The following ACOT12 variants were observed in gnomAD, a reference collection of about 807,000 sequenced individuals.
ACOT12 encodes the protein acetyl-coenzyme A thioesterase.
In ACOT12, 51 loss-of-function variants were observed where a neutral mutation model predicts 67.7. The observed-to-expected ratio is 0.75, with a 90% CI of 0.60 to 0.95. The LOEUF (loss-of-function observed/expected upper bound fraction) is 0.95, where lower values mean the gene tolerates loss of function less well. Ranked by LOEUF, ACOT12 falls within the 40% of genes least tolerant of loss-of-function variation. The pLI is 0.00. For synonymous variants in ACOT12, 251 were observed against 244.6 expected (o/e 1.03, Z -0.24); for missense variants, 734 against 708.1 (o/e 1.04, Z -0.41).
At chr5:81,322,607 G>A in the ACOT12 span, among the ~76,000 whole-genome samples, 1 of 152,188 alleles carries the variant, frequency 6.6e-6, no homozygotes, top group Non-Finnish European at 1.5e-5. Flanking sequence ...TAGACCAAAA[G>A]GAGGTGAGGG....
the ACOT12 span, among the ~76,000 whole-genome samples, chr5:81,322,246 T>C: frequency 1.3e-5 from 2 of 152,042 alleles, no homozygotes; most frequent in African/African-American, 4.8e-5. Flanking sequence ...TGCAGAACCA[T>C]AAAATAAGGA....
chr5:81,372,326 G>A (rs1014410542), intron 2 of ACOT12, among the ~76,000 whole-genome samples: 9 of 152,130 alleles, frequency 5.9e-5, no homozygotes, highest in Non-Finnish European at 7.4e-5. Context: ...ACCTGAAGTT[G>A]TTCCAAAACT....
At position 81,354,328 on chromosome 5, in the gene ACOT12, G is replaced by A. The variant is rs140578853; in HGVS notation, c.496+5575C>T. 2.8e-3 allele frequency among the ~76,000 whole-genome samples: 426 copies of A among 152,320 alleles called. 2 individuals are homozygous for A. The highest frequency in any genetic ancestry group is 9.9e-3 in the African/African-American group (410 of 41,564). ...GTTTTATCTCTATATTTGAATGACT[G>A]TCATGTGTGCCTGTCACTAATTTAG... is the stretch of plus-strand genomic sequence containing the variant. On this transcript the variant is annotated intron_variant, in intron 5 of 14. Transcript: ENST00000307624.
chr5:81,313,229 T>C, the ACOT12 span: 1 of 152,230 alleles, frequency 6.6e-6, no homozygotes, highest in East Asian at 1.9e-4. Flanking sequence ...AACAATCCCA[T>C]TGGAAACAAG....
At chr5:81,331,033 T>A in intron 13 of ACOT12, 93 bp from the exon 14 acceptor site, 2 of 1,376,448 alleles carry the variant, frequency 1.5e-6, no homozygotes, top group Non-Finnish European at 1.9e-6. Flanking sequence ...CTTATACAGG[T>A]AGAAGTGAAA....
chr5:81,348,664 A>G (rs1233537511), intron 5 of ACOT12, among the ~76,000 whole-genome samples: 1 of 152,142 alleles, frequency 6.6e-6, no homozygotes, highest in Non-Finnish European at 1.5e-5. Context: ...TCCCAGGTTC[A>G]AGCAATTCTC....
chr5:81,336,714 T>C (rs549971534), intron 11 of ACOT12, among the ~76,000 whole-genome samples: 164 of 152,304 alleles, frequency 1.1e-3, no homozygotes, highest in African/African-American at 3.7e-3. Flanking sequence ...GAAGTTAGTG[T>C]TGAAATTTGC....
At chr5:81,339,178 CA>C (rs1759109019) in intron 11 of ACOT12, among the ~76,000 whole-genome samples, 2 of 152,174 alleles carry the variant, frequency 1.3e-5, no homozygotes, top group African/African-American at 4.8e-5. Context: ...GTAAAGAGGG[CA>C]AAAGTGGTTT....
the ACOT12 span, among the ~76,000 whole-genome samples, chr5:81,310,163 A>AAAAAAAAAAAAAAAAAAAAAAT: frequency 6.6e-6 from 1 of 150,634 alleles, no homozygotes; most frequent in African/African-American, 2.5e-5. Context: ...GCTGTAAAAA[A>AAAAAAAAAAAAAAAAAAAAAAT]AAAAAAAAAA....
chr5:81,335,649 T>G lies in ACOT12; in HGVS notation c.1262+119A>C, dbSNP rs1580530350. On this transcript the variant is annotated intron_variant, in intron 12 of 14. Transcript: ENST00000307624. ...AAAGTGCTATGCTGGGTCAAACTTCTAAAAATACTCTTTAAACAATGGGTC... is the reference window on the plus strand; with the variant it reads ...AAAGTGCTATGCTGGGTCAAACTTCGAAAAATACTCTTTAAACAATGGGTC... 7 of 1,301,508 alleles carry G rather than the reference T, an allele frequency of 5.4e-6. No individual in the cohort carries two copies. In the East Asian group the frequency reaches 1.6e-4, roughly 30 times the overall value. The allele number at this position is 1,301,508 out of a possible 1,614,324, so 80.6% of individuals were successfully genotyped here.
Position 81,339,784 on chromosome 5 carries a change from T to C in ACOT12, c.1128+2888A>G, listed in dbSNP as rs1000061332. Among the ~76,000 whole-genome samples, 4 of 152,214 alleles carry C rather than the reference T, an allele frequency of 2.6e-5. No homozygotes were observed. In the East Asian group the frequency reaches 7.7e-4, roughly 29 times the overall value. On this transcript the variant is annotated intron_variant, in intron 11 of 14. Transcript: ENST00000307624. ...ACTACTACAATTAATTCTATCATTA[T>C]ACATGAAACATGAAACGAATTAAAA...
the ACOT12 span, among the ~76,000 whole-genome samples, chr5:81,314,409 GT>G: frequency 6.6e-6 from 1 of 151,988 alleles, no homozygotes; most frequent in African/African-American, 2.4e-5. Context: ...GGCCTACTTT[GT>G]TTATATTTTA....
At chr5:81,331,878 A>G (rs979875461) in intron 13 of ACOT12, among the ~76,000 whole-genome samples, 35 of 152,336 alleles carry the variant, frequency 2.3e-4, no homozygotes, top group African/African-American at 8.4e-4. Flanking sequence ...ATGATGGTAC[A>G]ATACTTTGTA....
At chr5:81,338,846 C>T (rs1759095531) in intron 11 of ACOT12, among the ~76,000 whole-genome samples, 1 of 152,096 alleles carries the variant, frequency 6.6e-6, no homozygotes, top group South Asian at 2.1e-4. Context: ...CTTTGGGAGG[C>T]CGAGGTGGGC....
chr5:81,347,818 G>A lies in ACOT12; in HGVS notation c.609C>T (p.Gly203=), dbSNP rs138946612. The change falls in exon 6 of 15, where the codon GGC becomes GGT. Residue 203 remains glycine (G), a synonymous_variant. Transcript: ENST00000307624. ...HANHHGNTFG[G]QIMAWMETVA... ...CTGTCTCCATCCACGCCATAATCTG[G>A]CCACCAAATGTATTTCCGTGATGGT... 70 of 1,614,170 alleles carry A rather than the reference G, an allele frequency of 4.3e-5. No homozygotes were observed. In the African/African-American group the frequency reaches 8.4e-4, roughly 19 times the overall value.
the ACOT12 span, among the ~76,000 whole-genome samples, chr5:81,317,046 T>G: frequency 6.6e-6 from 1 of 152,204 alleles, no homozygotes; most frequent in Non-Finnish European, 1.5e-5. Flanking sequence ...CACAAAAATT[T>G]TAAATTTTGA....
At position 81,347,774 on chromosome 5, in the gene ACOT12, C is replaced by G. The variant is rs1759425029; in HGVS notation, c.653G>C (p.Ser218Thr). 1 of 1,613,544 alleles carries G rather than the reference C, an allele frequency of 6.2e-7. No homozygotes were observed. Among genetic ancestry groups the G allele is most frequent in the African/African-American group, 1.3e-5 (1 of 74,916 alleles). The change falls in exon 6 of 15, where the codon AGC becomes ACC. Residue 218 changes from serine (S) to threonine (T), a missense_variant and splice_region_variant. Coordinates refer to ENST00000307624, the MANE Select transcript of ACOT12 (RefSeq NM_130767.3). ...TAGGCCGAAGGTCAAAACCAAGAAC[C>G]TTGCAGAAATAGTAGCCACTGTCTC... ...WMETVATISA[S>T]RLCWAHPFLK...
chr5:81,390,152 G>C (rs1447258933), intron 1 of ACOT12, among the ~76,000 whole-genome samples: 1 of 150,658 alleles, frequency 6.6e-6, no homozygotes, highest in Non-Finnish European at 1.5e-5. Context: ...GGTAGAGACA[G>C]GATCTCTCTA....
intron 8 of ACOT12, 102 bp from the exon 9 acceptor site, chr5:81,344,317 C>CT: frequency 1.7e-6 from 2 of 1,154,994 alleles, no homozygotes; most frequent in South Asian, 3.2e-5. Flanking sequence ...GTCAAAAGGG[C>CT]TAACTGAGAT....
Sources: gnomAD v4.1 joint callset for allele counts (sites outside exome capture counted in the v4.1 genomes callset) on GRCh38, gnomAD v4.1.1 for gene constraint, MANE v1.5 for transcripts, NCBI Gene and HGNC (gene_info 2026-07-23, HGNC 2026-07-21) for gene names.